Variants in CRB1 observed in about 807,000 individuals in gnomAD.
CRB1 encodes crumbs cell polarity complex component 1.
A neutral mutation model predicts 120.0 loss-of-function variants in CRB1; 83 were observed. That is an observed-to-expected ratio of 0.69 (90% CI 0.58 to 0.83). The LOEUF (loss-of-function observed/expected upper bound fraction) is 0.83, where lower values mean the gene tolerates loss of function less well. Among genes scored for constraint, CRB1 ranks in the 40% least tolerant of loss-of-function variants. The pLI is 0.00. For missense variants in CRB1, 1,699 were observed against 1,687.6 expected (o/e 1.01, Z -0.12); for synonymous variants, 625 against 612.5 (o/e 1.02, Z -0.30).
chr1:197,235,714 C>T, the CRB1 span, among the ~76,000 whole-genome samples: 7 of 152,218 alleles, frequency 4.6e-5, no homozygotes, highest in Non-Finnish European at 2.9e-5. Flanking sequence ...GTGTTAAGTA[C>T]CTAAGTTTTA....
the CRB1 span, among the ~76,000 whole-genome samples, chr1:197,243,540 G>GATA: frequency 6.6e-6 from 1 of 152,070 alleles, no homozygotes; most frequent in African/African-American, 2.4e-5. Flanking sequence ...TGGTCTGAGA[G>GATA]GCTGTTATGA....
intron 1 of CRB1, among the ~76,000 whole-genome samples, chr1:197,278,774 A>T (rs897103029): frequency 5.9e-5 from 9 of 152,088 alleles, no homozygotes; most frequent in African/African-American, 2.2e-4. Context: ...TAAAATAAAT[A>T]TTAGAAATTT....
At chr1:197,245,993 A>G in the CRB1 span, among the ~76,000 whole-genome samples, 1 of 152,128 alleles carries the variant, frequency 6.6e-6, no homozygotes, top group Admixed American at 6.6e-5. Context: ...ACTTTCCAGC[A>G]GGGCTCCTAT....
intron 1 of CRB1, among the ~76,000 whole-genome samples, chr1:197,287,790 A>G (rs188281187): frequency 7.4e-4 from 112 of 152,002 alleles, no homozygotes; most frequent in Non-Finnish European, 1.4e-3. Context: ...AAATCCATAC[A>G]TTACATTTTA....
Position 197,434,713 on chromosome 1 carries a change from A to G in CRB1, c.2850A>G (p.Ala950=). ...QPVLQGFECI[A]NAVFNGQSGQ... ...ATCACCTTCTCTCATTAGGTATTGC[A>G]AATGCTGTTTTTAATGGACAAAGCG... is the stretch of plus-strand genomic sequence containing the variant. The change falls in exon 9 of 12, where the codon GCA becomes GCG. Residue 950 remains alanine (A), a synonymous_variant. Transcript: ENST00000367400. The G allele has an allele frequency of 1.2e-6, 2 of 1,613,052 alleles. No individual in the cohort carries two copies. The highest frequency in any genetic ancestry group is 1.7e-6 in the Non-Finnish European group (2 of 1,179,248).
intron 5 of CRB1, among the ~76,000 whole-genome samples, chr1:197,381,114 A>C (rs537015179): frequency 2.2e-4 from 34 of 152,250 alleles, no homozygotes; most frequent in African/African-American, 8.2e-4. Flanking sequence ...GCGTTCATTT[A>C]AGCAATACCA....
At chr1:197,211,714 A>G in the CRB1 span, among the ~76,000 whole-genome samples, 3 of 152,252 alleles carry the variant, frequency 2.0e-5, no homozygotes, top group African/African-American at 7.2e-5. Context: ...CCATATTCAT[A>G]AAGTGGAAAA....
chr1:197,361,025 C>T (rs1314498590), intron 5 of CRB1, among the ~76,000 whole-genome samples: 1 of 152,128 alleles, frequency 6.6e-6, no homozygotes, highest in Non-Finnish European at 1.5e-5. Flanking sequence ...ATGTAAGTTT[C>T]TTATTTAGCC....
intron 5 of CRB1, among the ~76,000 whole-genome samples, chr1:197,383,114 A>G (rs958941739): frequency 1.3e-5 from 2 of 152,142 alleles, no homozygotes; most frequent in Non-Finnish European, 2.9e-5. Context: ...CCAAAGTTAC[A>G]TTTTGAGAAT....
chr1:197,321,776 G>T (rs923594760), intron 1 of CRB1, among the ~76,000 whole-genome samples: 1 of 152,150 alleles, frequency 6.6e-6, no homozygotes, highest in Non-Finnish European at 1.5e-5. Context: ...TTCTGTGGCT[G>T]CTCAGGCCAG....
intron 11 of CRB1, among the ~76,000 whole-genome samples, chr1:197,476,730 G>A (rs186732934): frequency 2.0e-4 from 31 of 152,200 alleles, no homozygotes; most frequent in Admixed American, 2.0e-3. Flanking sequence ...GATTGGTTTG[G>A]TAACGTGGGG....
Position 197,427,642 on chromosome 1 carries a change from G to A in CRB1, c.2317G>A (p.Ala773Thr), listed in dbSNP as rs1324392528. The A allele has an allele frequency of 2.5e-6, 4 of 1,613,834 alleles. No individual in the cohort carries two copies. The highest frequency in any genetic ancestry group is 2.7e-5 in the African/African-American group (2 of 74,912). ...IRVWLERGRL[A>T]MLTPNSPKLV... ...TGTCTGGCTAGAGCGCGGCAGACTA[G>A]CAATGCTGACTCCAAACTCTCCCAA... is the stretch of plus-strand genomic sequence containing the variant. The change falls in exon 7 of 12, where the codon GCA becomes ACA. Residue 773 changes from alanine to threonine, a missense_variant. Physicochemically the swap from Ala to Thr is moderately conservative, Grantham distance 58. Transcript: ENST00000367400.
intron 11 of CRB1, 62 bp from the exon 12 acceptor site, chr1:197,477,602 G>A: frequency 4.0e-6 from 6 of 1,506,208 alleles, no homozygotes; most frequent in Non-Finnish European, 5.5e-6. Flanking sequence ...TAGTTCCATT[G>A]TCCTGAATAT....
At chr1:197,355,671 G>A (rs530434844) in intron 4 of CRB1, among the ~76,000 whole-genome samples, 20 of 152,256 alleles carry the variant, frequency 1.3e-4, no homozygotes, top group East Asian at 7.7e-4. Context: ...GGGCAGCGGC[G>A]CCCACCGGCC....
intron 5 of CRB1, among the ~76,000 whole-genome samples, chr1:197,372,713 A>T (rs1050511641): frequency 9.5e-4 from 39 of 41,212 alleles, no homozygotes; most frequent in Admixed American, 1.8e-3. Context: ...CTGTCTCTTT[A>T]AAAAAAAAAA....
the CRB1 span, among the ~76,000 whole-genome samples, chr1:197,213,093 T>C: frequency 6.6e-6 from 1 of 152,096 alleles, no homozygotes; most frequent in Non-Finnish European, 1.5e-5. Context: ...GGAAATAGCA[T>C]TTCCCATGAA....
At chr1:197,448,747 A>G (rs892754058) in intron 11 of CRB1, among the ~76,000 whole-genome samples, 5 of 152,016 alleles carry the variant, frequency 3.3e-5, no homozygotes, top group East Asian at 3.9e-4. Context: ...TTATTCCTGC[A>G]CTTTTTTGCT....
intron 1 of CRB1, among the ~76,000 whole-genome samples, chr1:197,317,931 A>G (rs989291846): frequency 3.3e-5 from 5 of 151,970 alleles, no homozygotes; most frequent in Admixed American, 1.3e-4. Flanking sequence ...ACATTGGCCT[A>G]GGTAAGGATT....
At chr1:197,249,639 G>A in the CRB1 span, among the ~76,000 whole-genome samples, 2 of 151,960 alleles carry the variant, frequency 1.3e-5, no homozygotes, top group African/African-American at 2.4e-5. Context: ...TTGGAGCTTT[G>A]AGAAAGAGCT....
Sources: gnomAD v4.1 joint callset for allele counts (sites outside exome capture counted in the v4.1 genomes callset) on GRCh38, gnomAD v4.1.1 for gene constraint, MANE v1.5 for transcripts, NCBI Gene and HGNC (gene_info 2026-07-23, HGNC 2026-07-21) for gene names.